Variants in MYLIP observed in about 807,000 individuals in gnomAD.
MYLIP encodes myosin regulatory light chain interacting protein.
MYLIP carries 26 observed loss-of-function variants against 45.8 expected under a neutral mutation model. The observed-to-expected ratio is 0.57, with a 90% CI of 0.42 to 0.79. The LOEUF (loss-of-function observed/expected upper bound fraction) is 0.79. Among genes scored for constraint, MYLIP ranks in the 30% least tolerant of loss-of-function variants. The pLI, the probability that MYLIP is intolerant of heterozygous loss-of-function variation, is 0.00. For missense variants in MYLIP, 494 were observed against 555.6 expected (o/e 0.89, Z 1.11); for synonymous variants, 213 against 218.1 (o/e 0.98, Z 0.21).
At chr6:16,153,251 G>A in the MYLIP span, among the ~76,000 whole-genome samples, 3 of 152,148 alleles carry the variant, frequency 2.0e-5, no homozygotes, top group African/African-American at 4.8e-5. Context: ...TTAAAAGCTC[G>A]TCTCCACATT....
In MYLIP at chr6:16,130,655, C is replaced by T. The variant is rs543355473; in HGVS notation, c.186C>T (p.Ile62=). 1.4e-5 allele frequency: 22 copies of T among 1,614,220 alleles called. No individual in the cohort carries two copies. In the South Asian group the frequency reaches 2.1e-4, roughly 15 times the overall value. ...TATGGCTAAACCTGAGAAACCGGATCTCCCAGCAGATGGATGGGCTAGCCC... is the reference window on the plus strand; with the variant it reads ...TATGGCTAAACCTGAGAAACCGGATTTCCCAGCAGATGGATGGGCTAGCCC... The part of the protein sequence containing the change: ...ESLWLNLRNR[I]SQQMDGLAPY... Residue 62 remains isoleucine, a synonymous_variant, in exon 2 of 7, where the codon ATC becomes ATT. Coordinates refer to ENST00000356840, the MANE Select transcript of MYLIP (RefSeq NM_013262.4).
chr6:16,151,085 C>T (rs575510673), downstream of MYLIP, among the ~76,000 whole-genome samples: 3 of 152,068 alleles, frequency 2.0e-5, no homozygotes, highest in Non-Finnish European at 2.9e-5. Flanking sequence ...AGCGGTGGCT[C>T]ACGCCTGTAA....
chr6:16,163,833 C>A, the MYLIP span: 1 of 152,138 alleles, frequency 6.6e-6, no homozygotes, highest in African/African-American at 2.4e-5. Context: ...TGTTAAAAAC[C>A]ACTGTATTCA....
At chr6:16,142,508 G>A (rs1008042695) in intron 3 of MYLIP, among the ~76,000 whole-genome samples, 1 of 152,180 alleles carries the variant, frequency 6.6e-6, no homozygotes, top group South Asian at 2.1e-4. Context: ...AGTTCTGTAG[G>A]TCAGGAATCT....
the MYLIP span, among the ~76,000 whole-genome samples, chr6:16,156,596 G>T: frequency 2.6e-5 from 4 of 152,188 alleles, no homozygotes; most frequent in Non-Finnish European, 4.4e-5. Flanking sequence ...TAAAGCTTTG[G>T]GGCACCCAAG....
chr6:16,161,182 G>A, the MYLIP span: 17 of 213,014 alleles, frequency 8.0e-5, no homozygotes, highest in South Asian at 8.4e-4. Flanking sequence ...GCTTGTCTTC[G>A]TAGGAGTGAC....
intron 2 of MYLIP, among the ~76,000 whole-genome samples, chr6:16,135,759 A>ATC (rs199952798): frequency 7.0e-4 from 74 of 106,172 alleles, no homozygotes; most frequent in African/African-American, 2.1e-3. Context: ...ATATATCTAT[A>ATC]TATATATATA....
intron 5 of MYLIP, 37 bp from the exon 6 acceptor site, chr6:16,144,859 CT>C: frequency 6.3e-7 from 1 of 1,577,990 alleles, no homozygotes; most frequent in East Asian, 2.2e-5. Context: ...CTGCCAGGCT[CT>C]TTGGTGTTAA....
chr6:16,154,655 A>G, the MYLIP span, among the ~76,000 whole-genome samples: 2 of 152,192 alleles, frequency 1.3e-5, no homozygotes, highest in Non-Finnish European at 1.5e-5. Context: ...AATGGCCAGT[A>G]CACTTGTTCT....
chr6:16,133,064 A>G (rs1759488943), intron 2 of MYLIP, among the ~76,000 whole-genome samples: 1 of 152,194 alleles, frequency 6.6e-6, no homozygotes, highest in South Asian at 2.1e-4. Flanking sequence ...ATTAGTTCAT[A>G]TCAGATTAGG....
At chr6:16,144,755 G>A (rs936114761) in intron 5 of MYLIP, 142 bp from the exon 6 acceptor site, 11 of 891,288 alleles carry the variant, frequency 1.2e-5, no homozygotes, top group East Asian at 1.0e-4. Context: ...TTTACCAGAC[G>A]TAAAACTGGA....
chr6:16,146,891 A>C lies in MYLIP; in HGVS notation c.*140A>C. The C allele has an allele frequency of 4.2e-6, 3 of 719,272 alleles. No homozygotes were observed. The highest frequency in any genetic ancestry group is 4.5e-6 in the Non-Finnish European group (2 of 446,434). 44.6% of individuals were successfully genotyped at this position (719,272 alleles called of 1,614,324 possible). ...TTAAAAAAAAAAAAAAGGAAGAAAA[A>C]TAACACAGCTACTCCTCACTGCAAA... On this transcript the variant is annotated 3_prime_UTR_variant, in exon 7 of 7. Transcript: ENST00000356840.
intron 4 of MYLIP, among the ~76,000 whole-genome samples, 163 bp from the exon 5 acceptor site, chr6:16,143,536 C>T (rs1759721474): frequency 6.6e-6 from 1 of 152,216 alleles, no homozygotes; most frequent in South Asian, 2.1e-4. Context: ...CTGCTTTTCA[C>T]TGTATCTTTA....
intron 2 of MYLIP, among the ~76,000 whole-genome samples, chr6:16,134,859 G>T (rs2091016693): frequency 6.6e-6 from 1 of 152,184 alleles, no homozygotes. Flanking sequence ...TTCAGCCAAG[G>T]AACGCCTGTC....
chr6:16,135,932 A>G (rs1391995007), intron 2 of MYLIP, among the ~76,000 whole-genome samples: 3 of 151,086 alleles, frequency 2.0e-5, no homozygotes, highest in Non-Finnish European at 4.4e-5. Context: ...GCTTTATTAC[A>G]TATTCATCCA....
At chr6:16,135,752 T>TAC (rs1344529518) in intron 2 of MYLIP, among the ~76,000 whole-genome samples, 18 of 103,912 alleles carry the variant, frequency 1.7e-4, no homozygotes, top group African/African-American at 7.4e-4. Context: ...TGTATACATA[T>TAC]ATCTATATAT....
At chr6:16,158,213 C>T in the MYLIP span, among the ~76,000 whole-genome samples, 3 of 152,368 alleles carry the variant, frequency 2.0e-5, no homozygotes, top group East Asian at 1.9e-4. Flanking sequence ...ACACCGTCCC[C>T]GCCACTGAAG....
At chr6:16,140,440 A>G (rs1313659516) in intron 2 of MYLIP, among the ~76,000 whole-genome samples, 2 of 152,194 alleles carry the variant, frequency 1.3e-5, no homozygotes, top group Non-Finnish European at 2.9e-5. Context: ...AAGGTAAACT[A>G]ATCACACATA....
chr6:16,146,867 T>TAAAA lies in MYLIP; in HGVS notation c.*127_*130dup, dbSNP rs35112615. 1.0e-4 allele frequency: 64 copies of TAAAA among 615,086 alleles called. No homozygotes were observed. The highest frequency in any genetic ancestry group is 7.6e-4 in the African/African-American group (39 of 51,148). The allele number at this position is 615,086 out of a possible 1,614,324, so 38.1% of individuals were successfully genotyped here. A position where few individuals can be genotyped will look rare whatever the true frequency, so the allele number is the denominator to read the frequency against. On this transcript the variant is annotated 3_prime_UTR_variant, in exon 7 of 7. Coordinates refer to ENST00000356840, the MANE Select transcript of MYLIP (RefSeq NM_013262.4). ...CCAACACCCATCTGCCATGCGATGT[T>TAAAA]AAAAAAAAAAAAAAGGAAGAAAAAT...
Sources: allele counts gnomAD v4.1 joint callset (sites outside exome capture counted in the v4.1 genomes callset), GRCh38; gene constraint gnomAD v4.1.1; transcripts MANE v1.5; gene names NCBI Gene and HGNC (gene_info 2026-07-23, HGNC 2026-07-21).